The following GCDH variants were observed in gnomAD, a reference collection of about 807,000 sequenced individuals.
GCDH encodes the protein glutaryl-CoA dehydrogenase, mitochondrial.
A neutral mutation model predicts 52.8 loss-of-function variants in GCDH; 31 were observed. That is an observed-to-expected ratio of 0.59 (90% CI 0.44 to 0.79). GCDH has a LOEUF of 0.79. GCDH is among the 30% of genes least tolerant of loss of function. GCDH has a pLI of 0.00. For missense variants in GCDH, 509 were observed against 595.0 expected, an observed-to-expected ratio of 0.86 and a Z score of 1.50; for synonymous variants, 242 against 250.0, an observed-to-expected ratio of 0.97 and a Z score of 0.30.
In GCDH at chr19:12,897,448, G is replaced by C. The variant is rs375385841; in HGVS notation, c.1082+20G>C. The C allele has an allele frequency of 1.3e-5, 21 of 1,612,224 alleles. No individual in the cohort carries two copies. The highest frequency in any genetic ancestry group is 2.2e-5 in the East Asian group (1 of 44,866). ...GGACAAGTAGGGGCTGTGTGGTGGGGGCGGGGGGATGGCAGCGGTGGCTGG... is the reference window on the plus strand; with the variant it reads ...GGACAAGTAGGGGCTGTGTGGTGGGCGCGGGGGGATGGCAGCGGTGGCTGG... On this transcript the variant is annotated intron_variant, in intron 10 of 11. Coordinates refer to ENST00000222214, the MANE Select transcript of GCDH (RefSeq NM_000159.4).
Position 12,891,363 on chromosome 19 carries a change from T to A in GCDH, c.59T>A (p.Leu20His), listed in dbSNP as rs1297876597. 1 of 1,613,710 alleles carries A rather than the reference T, an allele frequency of 6.2e-7. No homozygotes were observed. The highest frequency in any genetic ancestry group is 1.3e-5 in the African/African-American group (1 of 74,954). ...AGCCGCGGACCCGGCCTGCACGTCCTTCGCACGTGGGTCTCGTCGGCGGCG... is the reference window on the plus strand; with the variant it reads ...AGCCGCGGACCCGGCCTGCACGTCCATCGCACGTGGGTCTCGTCGGCGGCG... ...LLSRGPGLHV[L>H]RTWVSSAAQT... Residue 20 changes from leucine (L) to histidine (H), a missense_variant, in exon 2 of 12, where the codon CTT becomes CAT. Leu to His is a moderately conservative substitution (Grantham distance 99). Coordinates refer to ENST00000222214, the MANE Select transcript of GCDH (RefSeq NM_000159.4).
chr19:12,891,494 C>T lies in GCDH; in HGVS notation c.99C>T (p.Gly33=). The T allele has an allele frequency of 6.2e-7, 1 of 1,614,166 alleles. No homozygotes were observed. The highest frequency in any genetic ancestry group is 8.5e-7 in the Non-Finnish European group (1 of 1,180,026). ...CCCGTTCTGTGCTTGCAGAGAAAGG[C>T]GGGAGAACACAGAGCCAACTGGCTA... ...WVSSAAQTEK[G]GRTQSQLAKS... Residue 33 remains glycine (G), a synonymous_variant, in exon 3 of 12, where the codon GGC becomes GGT. Coordinates refer to ENST00000222214, the MANE Select transcript of GCDH (RefSeq NM_000159.4).
chr19:12,895,960 G>A (rs1428676173), intron 6 of GCDH, 32 bp from the exon 7 acceptor site: 1 of 1,613,316 alleles, frequency 6.2e-7, no homozygotes, highest in Admixed American at 1.7e-5. Flanking sequence ...TCAGGGACCA[G>A]GCAGCCTTGT....
At chr19:12,898,221 C>T (rs539363027) in intron 11 of GCDH, 20 of 354,976 alleles carry the variant, frequency 5.6e-5, no homozygotes, top group South Asian at 1.3e-4. Context: ...CGAAGCTACA[C>T]GCAGGAATCA....
At position 12,891,384 on chromosome 19, in the gene GCDH, C is replaced by T; in HGVS notation, c.80C>T (p.Ala27Val). 4 of 1,614,046 alleles carry T rather than the reference C, an allele frequency of 2.5e-6. No homozygotes were observed. In the South Asian group the frequency reaches 4.4e-5, roughly 18 times the overall value. ...LHVLRTWVSSAAQTEKGGRTQ... is the reference protein window; with the variant it reads ...LHVLRTWVSSVAQTEKGGRTQ... The stretch of plus-strand genomic sequence containing the variant: ...GTCCTTCGCACGTGGGTCTCGTCGG[C>T]GGCGCAGACCGGTCAGTGTGGGGTC... The change falls in exon 2 of 12, where the codon GCG becomes GTG. Residue 27 changes from alanine to valine, a missense_variant. By Grantham distance (64) the Ala-to-Val change is moderately conservative (BLOSUM62 0). Coordinates refer to ENST00000222214, the MANE Select transcript of GCDH (RefSeq NM_000159.4).
intron 6 of GCDH, among the ~76,000 whole-genome samples, chr19:12,895,508 G>A (rs1270599141): frequency 6.6e-6 from 1 of 152,064 alleles, no homozygotes; most frequent in Non-Finnish European, 1.5e-5. Flanking sequence ...TGATCCATCT[G>A]CCTTGGCCTC....
At chr19:12,897,632 G>C in intron 10 of GCDH, 71 bp from the exon 11 acceptor site, 1 of 1,582,758 alleles carries the variant, frequency 6.3e-7, no homozygotes, top group East Asian at 2.2e-5. Context: ...TCCCCACCCC[G>C]GGCTAGGTTT....
In GCDH at chr19:12,891,896, A is replaced by C. The variant is rs1275589130; in HGVS notation, c.193A>C (p.Ile65Leu). ...GGAGGAGCAGCTGACCACAGATGAG[A>C]TCCTCATCAGGGACACCTTCCGCAC... ...VLEEQLTTDE[I>L]LIRDTFRTYC... Residue 65 changes from isoleucine to leucine, a missense_variant, in exon 4 of 12, where the codon ATC becomes CTC. By Grantham distance (5) the Ile-to-Leu change is conservative. Transcript: ENST00000222214. 6.2e-7 allele frequency: 1 copy of C among 1,613,884 alleles called. No individual in the cohort carries two copies. Among genetic ancestry groups the C allele is most frequent in the South Asian group, 1.1e-5 (1 of 91,076 alleles).
chr19:12,894,352 C>T, intron 6 of GCDH: 2 of 767,714 alleles, frequency 2.6e-6, no homozygotes, highest in South Asian at 2.7e-5. Flanking sequence ...TGGCCGTGTC[C>T]ACTTGCTACT....
rs1488749519 is a variant in GCDH at position 12,899,814 on chromosome 19, AGAG to A, written c.*277_*279del. ...TACCCTGAAATAGCAGCTTCTCTTGAGAGGAGAGTGACATGGAAGCAACTCCGT... is the reference window on the plus strand; with the variant it reads ...TACCCTGAAATAGCAGCTTCTCTTGAGAGAGTGACATGGAAGCAACTCCGT... On this transcript the variant is annotated 3_prime_UTR_variant, in exon 12 of 12. Coordinates refer to ENST00000222214, the MANE Select transcript of GCDH (RefSeq NM_000159.4). The A allele has an allele frequency of 5.1e-6, 8 of 1,582,708 alleles. No homozygotes were observed. The highest frequency in any genetic ancestry group is 1.7e-6 in the Non-Finnish European group (2 of 1,152,560).
rs1970719648 is a variant in GCDH, at chr19:12,897,753, C to T, written c.1133C>T (p.Ala378Val). 6.2e-7 allele frequency: 1 copy of T among 1,614,064 alleles called. No individual in the cohort carries two copies. The highest frequency in any genetic ancestry group is 1.3e-5 in the African/African-American group (1 of 75,018). ...SLLKRNNCGK[A>V]LDIARQARDM... is the part of the protein sequence containing the mutation. The stretch of plus-strand genomic sequence containing the variant: ...CTGAAGAGGAATAACTGTGGGAAAG[C>T]CCTGGACATCGCCCGCCAGGCCCGA... The change falls in exon 11 of 12, where the codon GCC becomes GTC. Residue 378 changes from alanine (A) to valine (V), a missense_variant. By Grantham distance (64) the Ala-to-Val change is moderately conservative. Coordinates refer to ENST00000222214, the MANE Select transcript of GCDH (RefSeq NM_000159.4).
At chr19:12,897,501 A>G in intron 10 of GCDH, 73 bp downstream of exon 10, 1 of 1,565,818 alleles carries the variant, frequency 6.4e-7, no homozygotes, top group Non-Finnish European at 8.8e-7. Context: ...CTGGAGAGAA[A>G]GGTCCTTCCT....
At chr19:12,893,815 T>A (rs1209008919) in intron 6 of GCDH, 162 bp downstream of exon 6, 1 of 709,982 alleles carries the variant, frequency 1.4e-6, no homozygotes, top group Admixed American at 2.0e-5. Context: ...GGAGATCTGA[T>A]CCCTGGCCAG....
intron 6 of GCDH, chr19:12,894,539 AG>A (rs1432679211): frequency 4.5e-6 from 3 of 669,458 alleles, no homozygotes; most frequent in Non-Finnish European, 8.2e-6. Flanking sequence ...CCTGGGGCCC[AG>A]TACAGCTAGC....
In GCDH at chr19:12,891,292, G is replaced by T; in HGVS notation, c.-13G>T. ...GTAGGTCGCCGTCGTTGCTCCGCTC[G>T]CTCTGAGAGAGCATGGCCCTGAGAG... On this transcript the variant is annotated 5_prime_UTR_variant, in exon 2 of 12. Coordinates refer to ENST00000222214, the MANE Select transcript of GCDH (RefSeq NM_000159.4). 6.2e-7 allele frequency: 1 copy of T among 1,601,200 alleles called. No homozygotes were observed. The highest frequency in any genetic ancestry group is 1.1e-5 in the South Asian group (1 of 90,974).
chr19:12,894,046 C>CA, intron 6 of GCDH: 1 of 649,964 alleles, frequency 1.5e-6, no homozygotes, highest in Non-Finnish European at 2.7e-6. Flanking sequence ...ATTAGAAAAA[C>CA]AAAAAAAGGA....
intron 6 of GCDH, 122 bp downstream of exon 6, chr19:12,893,775 T>TGG: frequency 1.1e-6 from 1 of 905,748 alleles, no homozygotes; most frequent in African/African-American, 1.6e-5. Context: ...AGTGGCCACC[T>TGG]GGACCCCCGC....
intron 9 of GCDH, 53 bp downstream of exon 9, chr19:12,897,066 C>A: frequency 7.0e-7 from 1 of 1,436,592 alleles, no homozygotes; most frequent in East Asian, 2.3e-5. Context: ...GCTTGGGTTT[C>A]ACTCTCTATA....
chr19:12,897,250 C>T (rs1052014827), intron 9 of GCDH, 53 bp from the exon 10 acceptor site: 25 of 1,610,712 alleles, frequency 1.6e-5, no homozygotes, highest in South Asian at 2.2e-5. Flanking sequence ...AGGACAGGGA[C>T]GGGGTGGGAG....
Sources: allele counts gnomAD v4.1 joint callset (sites outside exome capture counted in the v4.1 genomes callset), GRCh38; gene constraint gnomAD v4.1.1; transcripts MANE v1.5; gene names NCBI Gene and HGNC (gene_info 2026-07-23, HGNC 2026-07-21).